NRG1: variants seen among roughly 807,000 people sequenced by gnomAD.
NRG1 encodes pro-neuregulin-1, membrane-bound isoform.
NRG1 carries 18 observed loss-of-function variants against 63.8 expected under a neutral mutation model. The ratio of observed to expected loss-of-function variants is 0.28; its 90% CI spans 0.19 to 0.42. The LOEUF (loss-of-function observed/expected upper bound fraction) is 0.42. Ranked by LOEUF, NRG1 falls within the 10% of genes least tolerant of loss-of-function variation. NRG1 has a pLI of 1.00. For missense variants in NRG1, 762 were observed against 814.7 expected (o/e 0.94, Z 0.79); for synonymous variants, 302 against 301.3 (o/e 1.00, Z -0.02).
chr8:31,720,541 A>C (rs1362004703), intron 1 of NRG1, among the ~76,000 whole-genome samples: 2 of 152,098 alleles, frequency 1.3e-5, no homozygotes, highest in Non-Finnish European at 2.9e-5. Flanking sequence ...CCACGTGTCC[A>C]TGTGTTCTCA....
At chr8:32,197,022 C>T (rs1422445481) in intron 1 of NRG1, among the ~76,000 whole-genome samples, 1 of 128,256 alleles carries the variant, frequency 7.8e-6, no homozygotes, top group Admixed American at 9.9e-5. Flanking sequence ...TGCAGTGGCG[C>T]GATCTTGGCT....
At chr8:32,082,195 C>G (rs1210562713) in intron 1 of NRG1, among the ~76,000 whole-genome samples, 2 of 85,592 alleles carry the variant, frequency 2.3e-5, no homozygotes, top group Non-Finnish European at 4.7e-5. Flanking sequence ...ATGTTTTCAA[C>G]CTAGTGGTTT....
chr8:32,743,597 A>ATATATATATATATATAT (rs1335040311), intron 7 of NRG1, among the ~76,000 whole-genome samples: 47 of 37,012 alleles, frequency 1.3e-3, no homozygotes, highest in Middle Eastern at 0.029. Flanking sequence ...TATATATATA[A>ATATATATATATATATAT]AACTTAATAA....
intron 1 of NRG1, among the ~76,000 whole-genome samples, chr8:32,202,013 G>A (rs1843544701): frequency 6.6e-6 from 1 of 152,172 alleles, no homozygotes; most frequent in South Asian, 2.1e-4. Flanking sequence ...GAATTCATTT[G>A]CTGCATATTG....
chr8:32,362,417 G>C (rs1173124132), intron 1 of NRG1, among the ~76,000 whole-genome samples: 1 of 152,206 alleles, frequency 6.6e-6, no homozygotes, highest in Non-Finnish European at 1.5e-5. Context: ...GTGGAGAAAA[G>C]AGCTATTTGC....
intron 5 of NRG1, among the ~76,000 whole-genome samples, chr8:32,625,972 T>C (rs1395798064): frequency 6.6e-6 from 1 of 152,014 alleles, no homozygotes; most frequent in Non-Finnish European, 1.5e-5. Context: ...TTTTGTATTA[T>C]TAGTAGAGAT....
chr8:31,932,261 G>A (rs1834930209), intron 1 of NRG1, among the ~76,000 whole-genome samples: 1 of 152,172 alleles, frequency 6.6e-6, no homozygotes, highest in South Asian at 2.1e-4. Context: ...AGCAGTCCTT[G>A]ATTTTGGACT....
At chr8:32,748,517 T>C (rs889089925) in intron 7 of NRG1, among the ~76,000 whole-genome samples, 1 of 152,130 alleles carries the variant, frequency 6.6e-6, no homozygotes, top group Admixed American at 6.6e-5. Context: ...GGGCTTGTTT[T>C]CCCCCACTTC....
At chr8:31,819,212 C>A (rs553258729) in intron 1 of NRG1, among the ~76,000 whole-genome samples, 63 of 152,212 alleles carry the variant, frequency 4.1e-4, no homozygotes, top group African/African-American at 1.3e-3. Context: ...TACACTCCAG[C>A]CTGGGTGACA....
intron 1 of NRG1, among the ~76,000 whole-genome samples, chr8:32,314,480 G>C (rs569627719): frequency 2.6e-5 from 4 of 152,222 alleles, no homozygotes; most frequent in Non-Finnish European, 5.9e-5. Flanking sequence ...TACCCTCCTC[G>C]GTTGGCTCCA....
intron 1 of NRG1, among the ~76,000 whole-genome samples, chr8:32,169,190 A>G (rs543759618): frequency 6.6e-6 from 1 of 152,334 alleles, no homozygotes; most frequent in African/African-American, 2.4e-5. Flanking sequence ...GAAACTTGGT[A>G]GACTCCACCC....
At chr8:31,759,720 AAC>A (rs764917647) in intron 1 of NRG1, among the ~76,000 whole-genome samples, 2 of 152,158 alleles carry the variant, frequency 1.3e-5, no homozygotes, top group Non-Finnish European at 2.9e-5. Context: ...TATGAATTTT[AAC>A]ATCAGCTTAT....
chr8:32,663,842 A>G (rs968965597), intron 5 of NRG1, among the ~76,000 whole-genome samples: 1 of 152,108 alleles, frequency 6.6e-6, no homozygotes, highest in African/African-American at 2.4e-5. Flanking sequence ...GTCTCTTTAC[A>G]TCCCTGTCCT....
intron 1 of NRG1, among the ~76,000 whole-genome samples, chr8:32,037,430 A>G (rs1173250724): frequency 6.6e-6 from 1 of 152,188 alleles, no homozygotes. Flanking sequence ...CCGCTTAAAT[A>G]AACAGCCTGG....
exon 1 of NRG1, chr8:32,548,601 G>T: frequency 1.5e-6 from 2 of 1,347,354 alleles, no homozygotes; most frequent in Non-Finnish European, 1.9e-6. Flanking sequence ...CGCAGCGCGA[G>T]CGCCTCAGCG....
intron 1 of NRG1, among the ~76,000 whole-genome samples, chr8:32,333,328 A>C (rs1802874837): frequency 6.6e-6 from 1 of 152,076 alleles, no homozygotes; most frequent in Non-Finnish European, 1.5e-5. Flanking sequence ...TTCACTGGCC[A>C]CGTGACATTC....
At chr8:32,650,398 A>G (rs1705204672) in intron 5 of NRG1, among the ~76,000 whole-genome samples, 2 of 152,152 alleles carry the variant, frequency 1.3e-5, no homozygotes, top group Non-Finnish European at 2.9e-5. Flanking sequence ...CTGAAAAGTT[A>G]GGGGTAGACA....
intron 1 of NRG1, among the ~76,000 whole-genome samples, chr8:32,429,236 G>C (rs973422707): frequency 3.3e-5 from 5 of 151,986 alleles, no homozygotes; most frequent in African/African-American, 1.2e-4. Context: ...TTGTTTTTTA[G>C]AATGACAAGA....
chr8:32,463,590 C>T (rs1230519886), intron 1 of NRG1, among the ~76,000 whole-genome samples: 1 of 152,008 alleles, frequency 6.6e-6, no homozygotes, highest in Non-Finnish European at 1.5e-5. Context: ...TGCCTGGAAC[C>T]ATAGCACTTT....
Sources: allele counts gnomAD v4.1 joint callset (sites outside exome capture counted in the v4.1 genomes callset), GRCh38; gene constraint gnomAD v4.1.1; transcripts MANE v1.5; gene names NCBI Gene and HGNC (gene_info 2026-07-23, HGNC 2026-07-21).